The following XPR1 variants were observed in gnomAD, a reference collection of about 807,000 sequenced individuals.
XPR1 encodes solute carrier family 53 member 1.
In XPR1, 28 loss-of-function variants were observed where a neutral mutation model predicts 87.5. The ratio of observed to expected loss-of-function variants is 0.32; its 90% CI spans 0.24 to 0.44. The LOEUF (loss-of-function observed/expected upper bound fraction) is 0.44. XPR1 is among the 20% of genes least tolerant of loss of function. The pLI, the probability that XPR1 is intolerant of heterozygous loss-of-function variation, is 1.00. For synonymous variants in XPR1, 300 were observed against 306.1 expected (o/e 0.98, Z 0.21); for missense variants, 559 against 862.3 (o/e 0.65, Z 4.41).
At chr1:180,661,518 T>G (rs917150133) in intron 1 of XPR1, among the ~76,000 whole-genome samples, 6 of 145,308 alleles carry the variant, frequency 4.1e-5, no homozygotes, top group East Asian at 2.1e-4. Context: ...TGTGTGTGTG[T>G]GGTATGTTTT....
At chr1:180,788,909 G>A (rs1266230624) in intron 3 of XPR1, among the ~76,000 whole-genome samples, 1 of 151,962 alleles carries the variant, frequency 6.6e-6, no homozygotes, top group East Asian at 1.9e-4. Flanking sequence ...TTTTTTTCCT[G>A]GCTTGTCCAC....
intron 3 of XPR1, among the ~76,000 whole-genome samples, chr1:180,791,341 G>A (rs951731905): frequency 5.9e-5 from 9 of 151,922 alleles, no homozygotes; most frequent in South Asian, 2.1e-4. Context: ...TCATGATCTC[G>A]GCTCACTGCA....
At chr1:180,874,768 A>G (rs1382094618) in intron 13 of XPR1, among the ~76,000 whole-genome samples, 1 of 152,228 alleles carries the variant, frequency 6.6e-6, no homozygotes, top group Non-Finnish European at 1.5e-5. Flanking sequence ...AGGAGCCCCA[A>G]GATAAACAGA....
At chr1:180,736,956 G>A (rs561317424) in intron 2 of XPR1, among the ~76,000 whole-genome samples, 4 of 152,304 alleles carry the variant, frequency 2.6e-5, no homozygotes, top group Admixed American at 6.5e-5. Context: ...TCAAGCAGCC[G>A]CAAGATGGTG....
In XPR1 at chr1:180,853,654, CACA is replaced by C. The variant is rs1270230207; in HGVS notation, c.1502-10053_1502-10051del. On this transcript the variant is annotated intron_variant, in intron 11 of 14. Transcript: ENST00000367590. The stretch of plus-strand genomic sequence containing the variant: ...ACACACACACACACACACACACACA[CACA>C]CACACACACACCCTACCTCTTAATT... Among the ~76,000 whole-genome samples the C allele has an allele frequency of 4.6e-5, 7 of 151,854 alleles. 1 individual carries two copies. In the South Asian group the frequency reaches 1.5e-3, roughly 32 times the overall value.
chr1:180,774,781 T>G (rs1648649793), intron 2 of XPR1, among the ~76,000 whole-genome samples: 1 of 152,166 alleles, frequency 6.6e-6, no homozygotes, highest in Non-Finnish European at 1.5e-5. Context: ...GCTATATGTC[T>G]TAGTCCATCC....
At chr1:180,731,252 G>T (rs1241464998) in intron 2 of XPR1, among the ~76,000 whole-genome samples, 2 of 152,262 alleles carry the variant, frequency 1.3e-5, no homozygotes, top group African/African-American at 4.8e-5. Flanking sequence ...CAGAGGTTTG[G>T]TCTAGGTCCT....
At chr1:180,770,756 A>G (rs1330398413) in intron 2 of XPR1, among the ~76,000 whole-genome samples, 3 of 152,196 alleles carry the variant, frequency 2.0e-5, no homozygotes, top group Non-Finnish European at 4.4e-5. Context: ...TTAAAGTGTT[A>G]CATGGCCCCT....
At chr1:180,766,418 G>T (rs1648288883) in intron 2 of XPR1, among the ~76,000 whole-genome samples, 1 of 152,088 alleles carries the variant, frequency 6.6e-6, no homozygotes, top group Admixed American at 6.5e-5. Flanking sequence ...TAAACATGCA[G>T]TAGACATTAT....
chr1:180,675,633 A>G (rs1448847383), intron 1 of XPR1, among the ~76,000 whole-genome samples: 1 of 152,232 alleles, frequency 6.6e-6, no homozygotes, highest in Non-Finnish European at 1.5e-5. Context: ...CACGTAATGC[A>G]TATGAATACA....
chr1:180,735,522 AGTATTTGATT>A (rs1658699064), intron 2 of XPR1, among the ~76,000 whole-genome samples: 1 of 152,192 alleles, frequency 6.6e-6, no homozygotes, highest in Admixed American at 6.5e-5. Context: ...CACAACTTGA[AGTATTTGATT>A]TGTGTACAAT....
chr1:180,736,651 A>G (rs942958945), intron 2 of XPR1, among the ~76,000 whole-genome samples: 2 of 152,208 alleles, frequency 1.3e-5, no homozygotes, highest in Admixed American at 1.3e-4. Context: ...TATTTCATTT[A>G]ATAATGTGTT....
intron 1 of XPR1, among the ~76,000 whole-genome samples, chr1:180,660,350 A>G (rs1387134666): frequency 2.0e-5 from 3 of 151,630 alleles, no homozygotes; most frequent in Admixed American, 2.0e-4. Flanking sequence ...AATTTCATTT[A>G]TTTCTGTTCT....
At chr1:180,753,866 G>A (rs1446084898) in intron 2 of XPR1, among the ~76,000 whole-genome samples, 1 of 152,250 alleles carries the variant, frequency 6.6e-6, no homozygotes, top group East Asian at 1.9e-4. Context: ...CACAACTGCT[G>A]TTCTTATAGT....
chr1:180,759,950 C>T (rs1647935670), intron 2 of XPR1, among the ~76,000 whole-genome samples: 2 of 152,186 alleles, frequency 1.3e-5, no homozygotes, highest in Non-Finnish European at 2.9e-5. Context: ...GGATGCAAGG[C>T]TGTTCAACAT....
intron 1 of XPR1, among the ~76,000 whole-genome samples, chr1:180,679,845 G>A (rs1656502856): frequency 6.6e-6 from 1 of 152,082 alleles, no homozygotes; most frequent in Non-Finnish European, 1.5e-5. Context: ...AAGATTTCAT[G>A]AGTAAGAACT....
intron 2 of XPR1, among the ~76,000 whole-genome samples, chr1:180,773,984 T>C (rs1188682068): frequency 6.6e-6 from 1 of 152,230 alleles, no homozygotes; most frequent in Non-Finnish European, 1.5e-5. Context: ...TCATAGTCAG[T>C]TGTTTCCTTA....
rs144086375 is a variant in XPR1, at chr1:180,741,288, C to T, written c.122-46465C>T. On this transcript the variant is annotated intron_variant, in intron 2 of 14. Coordinates refer to ENST00000367590, the MANE Select transcript of XPR1 (RefSeq NM_004736.4). The stretch of plus-strand genomic sequence containing the variant: ...TAGTGATTCTCCTACCTTATTCTCC[C>T]GAGTAGCTGGGATTATAGATGCCTG... Among the ~76,000 whole-genome samples the T allele has an allele frequency of 3.1e-4, 47 of 152,134 alleles. No homozygotes were observed. In the East Asian group the frequency reaches 7.0e-3, roughly 23 times the overall value.
chr1:180,695,105 T>TA (rs1657119015), intron 2 of XPR1, among the ~76,000 whole-genome samples: 1 of 152,224 alleles, frequency 6.6e-6, no homozygotes, highest in Non-Finnish European at 1.5e-5. Flanking sequence ...GGTAAGTTGA[T>TA]ATCTCATTGT....
Sources: gnomAD v4.1 joint callset for allele counts (sites outside exome capture counted in the v4.1 genomes callset) on GRCh38, gnomAD v4.1.1 for gene constraint, MANE v1.5 for transcripts, NCBI Gene and HGNC (gene_info 2026-07-23, HGNC 2026-07-21) for gene names.